Variants in FSIP1 observed in about 807,000 individuals in gnomAD.
The protein encoded by FSIP1 is fibrous sheath-interacting protein 1.
A neutral mutation model predicts 60.9 loss-of-function variants in FSIP1; 65 were observed. The ratio of observed to expected loss-of-function variants is 1.07; its 90% CI spans 0.87 to 1.31. The LOEUF is 1.31. Among genes scored for constraint, FSIP1 ranks in the 40% most tolerant of loss-of-function variants. FSIP1 has a pLI of 0.00. For synonymous variants in FSIP1, 209 were observed against 221.2 expected, an observed-to-expected ratio of 0.94 and a Z score of 0.49; for missense variants, 675 against 665.5, an observed-to-expected ratio of 1.01 and a Z score of -0.16.
At chr15:39,768,316 C>T (rs1282381397) in intron 3 of FSIP1, among the ~76,000 whole-genome samples, 1 of 152,220 alleles carries the variant, frequency 6.6e-6, no homozygotes, top group Non-Finnish European at 1.5e-5. Flanking sequence ...AGCTCTCAAA[C>T]TTTTTCTCAG....
At chr15:39,623,179 C>T (rs980825142) in intron 10 of FSIP1, among the ~76,000 whole-genome samples, 2 of 152,142 alleles carry the variant, frequency 1.3e-5, no homozygotes, top group South Asian at 4.1e-4. Context: ...CACTCTCATC[C>T]CTGCCCCACC....
At chr15:39,601,320 T>C (rs1161872108) in intron 11 of FSIP1, among the ~76,000 whole-genome samples, 1 of 152,100 alleles carries the variant, frequency 6.6e-6, no homozygotes, top group Non-Finnish European at 1.5e-5. Flanking sequence ...AGAAAAAAAA[T>C]TGTGACATTA....
intron 5 of FSIP1, among the ~76,000 whole-genome samples, chr15:39,760,027 C>A (rs1206054108): frequency 6.6e-6 from 1 of 151,976 alleles, no homozygotes; most frequent in East Asian, 1.9e-4. Context: ...AGAAGGTAAT[C>A]ATTGCAATAA....
intron 5 of FSIP1, among the ~76,000 whole-genome samples, chr15:39,749,769 C>G (rs768007980): frequency 6.6e-6 from 1 of 151,908 alleles, no homozygotes; most frequent in Non-Finnish European, 1.5e-5. Context: ...GATGCCCACT[C>G]TCATCACTTC....
intron 10 of FSIP1, among the ~76,000 whole-genome samples, chr15:39,681,273 T>TA (rs1311758182): frequency 1.3e-5 from 2 of 151,526 alleles, no homozygotes; most frequent in African/African-American, 4.9e-5. Context: ...AAAAGGTTTA[T>TA]AGTTTTTTGG....
intron 8 of FSIP1, among the ~76,000 whole-genome samples, chr15:39,734,994 G>C (rs1896552622): frequency 6.6e-6 from 1 of 152,096 alleles, no homozygotes; most frequent in Non-Finnish European, 1.5e-5. Context: ...TTAACAAAAA[G>C]TCATTATGAA....
In FSIP1 at chr15:39,603,501, G is replaced by A. The variant is rs148939803; in HGVS notation, c.1700-2575C>T. Among the ~76,000 whole-genome samples, 45 of 152,334 alleles carry A rather than the reference G, an allele frequency of 3.0e-4. 1 individual carries two copies. The Middle Eastern group carries it at 0.01, about 35-fold the overall frequency. On this transcript the variant is annotated intron_variant, in intron 11 of 11. Transcript: ENST00000350221. ...AATGCCAGGCCGGCTCAAGGCAGACGGAAGTAGAGAGACTGGGCAATCAAA... is the reference window on the plus strand; with the variant it reads ...AATGCCAGGCCGGCTCAAGGCAGACAGAAGTAGAGAGACTGGGCAATCAAA...
chr15:39,740,749 C>T (rs894560536), intron 6 of FSIP1, among the ~76,000 whole-genome samples: 28 of 152,198 alleles, frequency 1.8e-4, no homozygotes, highest in African/African-American at 6.0e-4. Flanking sequence ...AGAGTCAATA[C>T]AGATATAACC....
chr15:39,776,393 A>C lies in FSIP1; in HGVS notation c.126+6T>G. 6.2e-7 allele frequency: 1 copy of C among 1,609,968 alleles called. No homozygotes were observed. Among genetic ancestry groups the C allele is most frequent in the Non-Finnish European group, 8.5e-7 (1 of 1,178,816 alleles). On this transcript the variant is annotated splice_donor_region_variant and intron_variant, in intron 2 of 11. Transcript: ENST00000350221. Reference sequence around the variant, plus strand: ...GGAGTTTAAATCTTTTCTAAACGTAAATTACCTTGAAGGATCCTGGTTCTG... The same window carrying C: ...GGAGTTTAAATCTTTTCTAAACGTACATTACCTTGAAGGATCCTGGTTCTG...
chr15:39,769,310 T>C (rs1162848686), intron 3 of FSIP1, among the ~76,000 whole-genome samples: 2 of 151,402 alleles, frequency 1.3e-5, no homozygotes, highest in East Asian at 1.9e-4. Flanking sequence ...GTCTAAGTAC[T>C]GGAAAGCTAT....
Position 39,615,605 on chromosome 15 carries a change from A to C in FSIP1, c.1699+2130T>G, listed in dbSNP as rs141919458. On this transcript the variant is annotated intron_variant, in intron 11 of 11. Transcript: ENST00000350221. ...AACAACTATTATCAAAAGATGAAAG[A>C]GACTGGGTGTGGTGGCTCACGCCTG... is the stretch of plus-strand genomic sequence containing the variant. Among the ~76,000 whole-genome samples, 431 of 151,950 alleles carry C rather than the reference A, an allele frequency of 2.8e-3. 10 individuals carry two copies. The South Asian group carries it at 0.038, about 13-fold the overall frequency.
chr15:39,740,212 A>C (rs1308143335), intron 6 of FSIP1, among the ~76,000 whole-genome samples: 1 of 152,218 alleles, frequency 6.6e-6, no homozygotes, highest in Non-Finnish European at 1.5e-5. Flanking sequence ...TTAATTTGCC[A>C]TTACCCTTTC....
chr15:39,660,785 C>T (rs1324485213), intron 10 of FSIP1, among the ~76,000 whole-genome samples: 1 of 152,162 alleles, frequency 6.6e-6, no homozygotes, highest in Non-Finnish European at 1.5e-5. Flanking sequence ...ATTGGCTGGG[C>T]ATGGTGGCTC....
chr15:39,656,693 A>C (rs1893083607), intron 10 of FSIP1, among the ~76,000 whole-genome samples: 1 of 152,266 alleles, frequency 6.6e-6, no homozygotes, highest in Admixed American at 6.5e-5. Context: ...TCACTAACAC[A>C]ATCTTGTGGA....
At chr15:39,775,159 G>T (rs989074577) in intron 2 of FSIP1, among the ~76,000 whole-genome samples, 2 of 152,136 alleles carry the variant, frequency 1.3e-5, no homozygotes, top group Non-Finnish European at 2.9e-5. Context: ...GGGACTACAG[G>T]CATGTGCCAC....
intron 10 of FSIP1, among the ~76,000 whole-genome samples, chr15:39,698,164 A>AAT (rs946646901): frequency 2.3e-4 from 31 of 132,990 alleles, no homozygotes; most frequent in African/African-American, 3.5e-4. Context: ...CTGGATTTCA[A>AAT]ATATATATAT....
chr15:39,607,617 A>G (rs1423217215), intron 11 of FSIP1, among the ~76,000 whole-genome samples: 2 of 152,250 alleles, frequency 1.3e-5, no homozygotes, highest in Non-Finnish European at 2.9e-5. Context: ...TACAACTGAT[A>G]GGCAAATCCT....
intron 10 of FSIP1, among the ~76,000 whole-genome samples, chr15:39,694,955 T>C (rs973105915): frequency 6.6e-5 from 10 of 152,184 alleles, no homozygotes; most frequent in Non-Finnish European, 1.5e-4. Flanking sequence ...ATAATCTCTT[T>C]CTTAGCCCAT....
chr15:39,726,549 G>T, intron 9 of FSIP1, 40 bp downstream of exon 9: 1 of 1,553,584 alleles, frequency 6.4e-7, no homozygotes, highest in Non-Finnish European at 8.9e-7. Context: ...AACAGCTTTA[G>T]CACACATTAA....
Sources: gnomAD v4.1 joint callset for allele counts (sites outside exome capture counted in the v4.1 genomes callset) on GRCh38, gnomAD v4.1.1 for gene constraint, MANE v1.5 for transcripts, NCBI Gene and HGNC (gene_info 2026-07-23, HGNC 2026-07-21) for gene names.